Variants in ATXN10 observed in about 807,000 individuals in gnomAD.
ATXN10 encodes ataxin-10.
A neutral mutation model predicts 52.9 loss-of-function variants in ATXN10; 28 were observed. That is an observed-to-expected ratio of 0.53 (90% CI 0.39 to 0.73). ATXN10 has a LOEUF of 0.73. Ranked by LOEUF, ATXN10 falls within the 30% of genes least tolerant of loss-of-function variation. ATXN10 has a pLI of 0.00. For missense variants in ATXN10, 565 were observed against 577.0 expected (o/e 0.98, Z 0.21); for synonymous variants, 226 against 221.5 (o/e 1.02, Z -0.18).
rs1002950975 is a variant in ATXN10 at position 45,770,965 on chromosome 22, G to T, written c.1173+30427G>T. ...ACCCAGATCCATCCTGGGAGCACTC[G>T]AGGCCAGCCCTTTTGGCTCTCTGCG... On this transcript the variant is annotated intron_variant, in intron 9 of 11. Coordinates refer to ENST00000252934, the MANE Select transcript of ATXN10 (RefSeq NM_013236.4). The surrounding 1 kb of genome is among the most constrained non-coding windows in gnomAD (Gnocchi z 4.5). Among the ~76,000 whole-genome samples, 1 of 152,176 alleles carries T rather than the reference G, an allele frequency of 6.6e-6. No homozygotes were observed. The highest frequency in any genetic ancestry group is 2.4e-5 in the African/African-American group (1 of 41,428).
intron 10 of ATXN10, among the ~76,000 whole-genome samples, chr22:45,817,961 T>C (rs7292652): frequency 0.13 from 19,705 of 152,166 alleles, 1,388 homozygotes; most frequent in Middle Eastern, 0.17. Flanking sequence ...TCCTAGTACC[T>C]TAGCAACGGG....
intron 10 of ATXN10, among the ~76,000 whole-genome samples, chr22:45,829,316 C>T (rs1273426443): frequency 6.6e-6 from 1 of 152,110 alleles, no homozygotes; most frequent in Non-Finnish European, 1.5e-5. Flanking sequence ...TCTCTAAGAT[C>T]GGGAACAAGG....
At chr22:45,709,277 T>G (rs183401810) in intron 5 of ATXN10, among the ~76,000 whole-genome samples, 5 of 152,346 alleles carry the variant, frequency 3.3e-5, no homozygotes, top group Admixed American at 3.3e-4. Flanking sequence ...TTTAGTGTTG[T>G]TTGTTATTGG....
intron 3 of ATXN10, among the ~76,000 whole-genome samples, chr22:45,697,205 G>T (rs1218637967): frequency 6.6e-6 from 1 of 152,030 alleles, no homozygotes; most frequent in Non-Finnish European, 1.5e-5. Flanking sequence ...CACAATCTCG[G>T]CTCACTACAG....
At chr22:45,777,700 TTTGGATTAA>T (rs1927007714) in intron 9 of ATXN10, among the ~76,000 whole-genome samples, 1 of 152,198 alleles carries the variant, frequency 6.6e-6, no homozygotes, top group African/African-American at 2.4e-5. Context: ...GAAAACAGAT[TTTGGATTAA>T]CTATGTCTGT....
chr22:45,800,233 C>T lies in ATXN10; in HGVS notation c.1174-6726C>T, dbSNP rs568548149. 2.6e-5 allele frequency among the ~76,000 whole-genome samples: 4 copies of T among 152,012 alleles called. No homozygotes were observed. The East Asian group carries it at 7.7e-4, about 29-fold the overall frequency. On this transcript the variant is annotated intron_variant, in intron 9 of 11. Coordinates refer to ENST00000252934, the MANE Select transcript of ATXN10 (RefSeq NM_013236.4). ...ATATTTGCAATACATATATCCGACA[C>T]AGGACTTACTCATATGCAGAATATG...
rs183808975 is a variant in ATXN10 at position 45,740,259 on chromosome 22, T to G, written c.1004-110T>G. On this transcript the variant is annotated intron_variant, in intron 8 of 11. Coordinates refer to ENST00000252934, the MANE Select transcript of ATXN10 (RefSeq NM_013236.4). ...ATTATTTAAATAAAGCTTTCTGTGC[T>G]CTACCTTTAGCCTATTACAATAAAT... 2.9e-6 allele frequency: 3 copies of G among 1,042,898 alleles called. No homozygotes were observed. In the African/African-American group the frequency reaches 4.8e-5, roughly 17 times the overall value. 64.6% of individuals were successfully genotyped at this position (1,042,898 alleles called of 1,614,324 possible). A position where few individuals can be genotyped will look rare whatever the true frequency, so the allele number is the denominator to read the frequency against.
In ATXN10 at chr22:45,733,917, A is replaced by G. The variant is rs538075982; in HGVS notation, c.894+4327A>G. ...TTTTCATTTTTTGCACTATTCTTCA[A>G]CTTGCTGTTTTTACTTATGATGTAA... is the stretch of plus-strand genomic sequence containing the variant. On this transcript the variant is annotated intron_variant, in intron 7 of 11. Transcript: ENST00000252934. This position sits in a 1 kb window ranked among gnomAD's most constrained non-coding sequence, Gnocchi z 4.4. 7.9e-5 allele frequency among the ~76,000 whole-genome samples: 12 copies of G among 151,944 alleles called. No individual in the cohort carries two copies. In the South Asian group the frequency reaches 2.3e-3, roughly 29 times the overall value.
chr22:45,722,638 C>T (rs1924701231), intron 6 of ATXN10, among the ~76,000 whole-genome samples: 1 of 152,120 alleles, frequency 6.6e-6, no homozygotes, highest in African/African-American at 2.4e-5. Context: ...GCCTGTGTGT[C>T]ATTGTGTAAG....
intron 9 of ATXN10, among the ~76,000 whole-genome samples, chr22:45,777,712 A>G (rs1029995572): frequency 2.6e-5 from 4 of 152,338 alleles, no homozygotes; most frequent in East Asian, 1.9e-4. Context: ...TGGATTAACT[A>G]TGTCTGTGCA....
Position 45,837,542 on chromosome 22 carries a change from G to A in ATXN10, c.1238-5449G>A, listed in dbSNP as rs112407239. ...CTCCCAAAGTGTTGGGATTACAGGC[G>A]TGAGCCACTATGCCCGGCCTATTTA... On this transcript the variant is annotated intron_variant, in intron 10 of 11. Coordinates refer to ENST00000252934, the MANE Select transcript of ATXN10 (RefSeq NM_013236.4). The surrounding 1 kb of genome is among the most constrained non-coding windows in gnomAD (Gnocchi z 5.8). 0.012 allele frequency among the ~76,000 whole-genome samples: 1,857 copies of A among 152,352 alleles called. 45 individuals are homozygous for A. The highest frequency in any genetic ancestry group is 0.043 in the African/African-American group (1,772 of 41,570).
At chr22:45,831,936 A>G (rs1041576452) in intron 10 of ATXN10, among the ~76,000 whole-genome samples, 3 of 152,134 alleles carry the variant, frequency 2.0e-5, no homozygotes, top group Non-Finnish European at 2.9e-5. Flanking sequence ...GCACATGGCA[A>G]ACACCCCCTT....
At chr22:45,699,220 T>C (rs1335134303) in intron 3 of ATXN10, among the ~76,000 whole-genome samples, 1 of 152,202 alleles carries the variant, frequency 6.6e-6, no homozygotes, top group African/African-American at 2.4e-5. Flanking sequence ...TACATAAAGA[T>C]CAGTTGATAA....
In ATXN10 at chr22:45,786,580, C is replaced by T. The variant is rs1010957231; in HGVS notation, c.1174-20379C>T. On this transcript the variant is annotated intron_variant, in intron 9 of 11. Transcript: ENST00000252934. This position sits in a 1 kb window ranked among gnomAD's most constrained non-coding sequence, Gnocchi z 4.1. ...GGTTCTTCCTTACTTAGGTCTCGTACCCACTCCAAGTGCAATGCTGCGGGC... is the reference window on the plus strand; with the variant it reads ...GGTTCTTCCTTACTTAGGTCTCGTATCCACTCCAAGTGCAATGCTGCGGGC... Among the ~76,000 whole-genome samples, 5 of 152,226 alleles carry T rather than the reference C, an allele frequency of 3.3e-5. No individual in the cohort carries two copies. The highest frequency in any genetic ancestry group is 5.9e-5 in the Non-Finnish European group (4 of 68,036).
intron 9 of ATXN10, among the ~76,000 whole-genome samples, chr22:45,755,205 G>A (rs1470714786): frequency 6.6e-6 from 1 of 152,192 alleles, no homozygotes; most frequent in Non-Finnish European, 1.5e-5. Context: ...GATAGTCAGA[G>A]GTGTGGCCTG....
rs1313687675 is a variant in ATXN10, at chr22:45,841,732, A to C, written c.1238-1259A>C. Among the ~76,000 whole-genome samples the C allele has an allele frequency of 1.3e-5, 2 of 152,160 alleles. No homozygotes were observed. Among genetic ancestry groups the C allele is most frequent in the East Asian group, 1.9e-4 (1 of 5,192 alleles). ...ATTAGGGAGAGAAACTGTTGGACTC[A>C]TTTTCTTTCCCAAATACTACAGGAA... On this transcript the variant is annotated intron_variant, in intron 10 of 11. Coordinates refer to ENST00000252934, the MANE Select transcript of ATXN10 (RefSeq NM_013236.4). The surrounding 1 kb of genome is among the most constrained non-coding windows in gnomAD (Gnocchi z 5.1).
intron 1 of ATXN10, among the ~76,000 whole-genome samples, chr22:45,682,783 C>G (rs1032766422): frequency 6.6e-6 from 1 of 152,156 alleles, no homozygotes; most frequent in African/African-American, 2.4e-5. Flanking sequence ...TGATGTCATC[C>G]TTCACTCCCC....
chr22:45,839,898 C>T (rs185330205), intron 10 of ATXN10, among the ~76,000 whole-genome samples: 16 of 152,370 alleles, frequency 1.1e-4, no homozygotes, highest in South Asian at 4.1e-4. Flanking sequence ...CTGTGGGTCG[C>T]TGCAGTGCCG....
chr22:45,789,161 T>C lies in ATXN10; in HGVS notation c.1174-17798T>C, dbSNP rs568605626. 3.9e-5 allele frequency among the ~76,000 whole-genome samples: 6 copies of C among 152,314 alleles called. No individual in the cohort carries two copies. In the South Asian group the frequency reaches 1.2e-3, roughly 32 times the overall value. On this transcript the variant is annotated intron_variant, in intron 9 of 11. Transcript: ENST00000252934. The surrounding 1 kb of genome is among the most constrained non-coding windows in gnomAD (Gnocchi z 4.0). ...GCTGAAAGGCTCACCTGACCACCCC[T>C]CTAAAACAGTCTTTGGCCACTCTCA...
Sources: allele counts gnomAD v4.1 joint callset (sites outside exome capture counted in the v4.1 genomes callset), GRCh38; gene constraint gnomAD v4.1.1; non-coding constraint Gnocchi (gnomAD v3.1); transcripts MANE v1.5; gene names NCBI Gene and HGNC (gene_info 2026-07-23, HGNC 2026-07-21).